Variants in LRRC7 observed in about 807,000 individuals in gnomAD.
The protein encoded by LRRC7 is leucine rich repeat containing 7.
LRRC7 carries 23 observed loss-of-function variants against 175.7 expected under a neutral mutation model. The observed-to-expected ratio is 0.13, with a 90% CI of 0.09 to 0.19. The LOEUF (loss-of-function observed/expected upper bound fraction) is 0.19. LRRC7 is among the 10% of genes least tolerant of loss of function. The probability of loss-of-function intolerance (pLI) is 1.00; values close to 1 mark genes in which losing one functional copy is unlikely to be tolerated. For synonymous variants in LRRC7, 685 were observed against 680.9 expected, an observed-to-expected ratio of 1.01 and a Z score of -0.09; for missense variants, 1,354 against 1,904.7, an observed-to-expected ratio of 0.71 and a Z score of 5.38.
At chr1:70,096,984 ATCC>A (rs1189436415) in intron 25 of LRRC7, among the ~76,000 whole-genome samples, 1 of 152,200 alleles carries the variant, frequency 6.6e-6, no homozygotes, top group Non-Finnish European at 1.5e-5. Flanking sequence ...TGGCATAATT[ATCC>A]TCCTTTAAAT....
chr1:69,878,917 A>G (rs961475546), intron 7 of LRRC7, among the ~76,000 whole-genome samples: 1 of 148,516 alleles, frequency 6.7e-6, no homozygotes, highest in African/African-American at 2.4e-5. Context: ...ATATATTTAT[A>G]TATATGGTGT....
At chr1:69,967,555 C>T (rs1226616820) in intron 8 of LRRC7, among the ~76,000 whole-genome samples, 1 of 152,156 alleles carries the variant, frequency 6.6e-6, no homozygotes, top group Non-Finnish European at 1.5e-5. Context: ...GTCCATTTCA[C>T]GCCCCCTGCC....
At chr1:69,974,803 T>C (rs1204233738) in intron 8 of LRRC7, among the ~76,000 whole-genome samples, 3 of 152,200 alleles carry the variant, frequency 2.0e-5, no homozygotes, top group Non-Finnish European at 4.4e-5. Flanking sequence ...AAATATCTTT[T>C]TTTAGAAATC....
At position 69,851,344 on chromosome 1, in the gene LRRC7, G is replaced by A. The variant is rs535063741; in HGVS notation, c.647+13061G>A. ...AGTGCAGATGTCAGTAACTGGACAG[G>A]CACATTGCATCATGAAAAGGACTTT... On this transcript the variant is annotated intron_variant, in intron 7 of 26. Transcript: ENST00000651989. Among the ~76,000 whole-genome samples the A allele has an allele frequency of 9.9e-5, 15 of 152,210 alleles. No homozygotes were observed. The South Asian group carries it at 3.1e-3, about 32-fold the overall frequency.
intron 10 of LRRC7, among the ~76,000 whole-genome samples, chr1:69,992,457 GA>G (rs1364957407): frequency 1.3e-5 from 2 of 152,094 alleles, no homozygotes; most frequent in Non-Finnish European, 2.9e-5. Flanking sequence ...TTACTCTAGA[GA>G]AAAGAGTCTA....
At chr1:70,002,570 A>G (rs1169261208) in intron 11 of LRRC7, among the ~76,000 whole-genome samples, 1 of 152,074 alleles carries the variant, frequency 6.6e-6, no homozygotes, top group Non-Finnish European at 1.5e-5. Context: ...TGTCTTGAAC[A>G]TTTCTCATTT....
At chr1:69,982,973 T>G (rs1011487081) in intron 9 of LRRC7, among the ~76,000 whole-genome samples, 2 of 152,280 alleles carry the variant, frequency 1.3e-5, no homozygotes, top group East Asian at 3.9e-4. Context: ...TAAATTACGC[T>G]GAAGATAGCA....
At chr1:69,759,996 T>G (rs1156795952) in intron 2 of LRRC7, among the ~76,000 whole-genome samples, 195 bp from the exon 3 acceptor site, 1 of 152,024 alleles carries the variant, frequency 6.6e-6, no homozygotes, top group African/African-American at 2.4e-5. Context: ...ATTTGCTAGA[T>G]GGGAATAAAA....
intron 6 of LRRC7, among the ~76,000 whole-genome samples, chr1:69,837,411 A>G (rs951094371): frequency 5.3e-5 from 8 of 151,894 alleles, no homozygotes; most frequent in African/African-American, 1.9e-4. Flanking sequence ...AATGTTCCAA[A>G]CCATATAAAT....
intron 15 of LRRC7, among the ~76,000 whole-genome samples, chr1:70,020,543 G>A (rs1030359978): frequency 3.9e-5 from 6 of 151,974 alleles, no homozygotes; most frequent in African/African-American, 1.4e-4. Flanking sequence ...TTACAAATAA[G>A]GATTCTATTT....
chr1:69,791,852 G>A (rs1675157476), intron 3 of LRRC7, among the ~76,000 whole-genome samples, 191 bp from the exon 4 acceptor site: 1 of 151,886 alleles, frequency 6.6e-6, no homozygotes, highest in Non-Finnish European at 1.5e-5. Flanking sequence ...AAAAATAGAG[G>A]CACTAACATG....
intron 4 of LRRC7, among the ~76,000 whole-genome samples, chr1:69,824,394 G>A (rs1163682304): frequency 6.6e-6 from 1 of 152,002 alleles, no homozygotes; most frequent in African/African-American, 2.4e-5. Context: ...AGGTGTTTCG[G>A]CCTTCCAAAA....
chr1:70,125,515 G>A lies in LRRC7; in HGVS notation c.*3628G>A, dbSNP rs1239640807. On this transcript the variant is annotated 3_prime_UTR_variant, in exon 27 of 27. Coordinates refer to ENST00000651989, the MANE Select transcript of LRRC7 (RefSeq NM_001370785.2). The stretch of plus-strand genomic sequence containing the variant: ...ACTGGTGAGCTAAAGAGAGAGGGCC[G>A]GGCGCGGTGGCTCACGCCTGTAATC... Among the ~76,000 whole-genome samples, 3 of 152,176 alleles carry A rather than the reference G, an allele frequency of 2.0e-5. No individual in the cohort carries two copies. Among genetic ancestry groups the A allele is most frequent in the South Asian group, 2.1e-4 (1 of 4,832 alleles).
rs1015534456 is a variant in LRRC7, at chr1:70,139,794, TACA to T, written c.*17911_*17913del. ...ACAGTCTCCTTAGAGCCTTTGAAAA[TACA>T]ACATGTAGGTCCTTCTCAGATTATG... On this transcript the variant is annotated 3_prime_UTR_variant, in exon 27 of 27. Coordinates refer to ENST00000651989, the MANE Select transcript of LRRC7 (RefSeq NM_001370785.2). 6 of 152,076 alleles carry T rather than the reference TACA, an allele frequency of 3.9e-5. No homozygotes were observed. The highest frequency in any genetic ancestry group is 5.9e-5 in the Non-Finnish European group (4 of 68,000). 9.4% of individuals were successfully genotyped at this position (152,076 alleles called of 1,614,324 possible). A position where few individuals can be genotyped will look rare whatever the true frequency, so the allele number is the denominator to read the frequency against.
intron 1 of LRRC7, among the ~76,000 whole-genome samples, chr1:69,600,115 A>G (rs1646995092): frequency 6.6e-6 from 1 of 152,226 alleles, no homozygotes; most frequent in Admixed American, 6.5e-5. Flanking sequence ...ATTTAGATTT[A>G]TAGAAAAATT....
intron 2 of LRRC7, among the ~76,000 whole-genome samples, chr1:69,680,435 C>A (rs375259597): frequency 1.3e-5 from 2 of 152,024 alleles, no homozygotes; most frequent in African/African-American, 4.8e-5. Flanking sequence ...ATGATATAAC[C>A]GTCACTTGTG....
At chr1:70,005,420 GTATATTCACAATCTTTCTTCCC>G (rs1557979205) in intron 11 of LRRC7, among the ~76,000 whole-genome samples, 3 of 152,104 alleles carry the variant, frequency 2.0e-5, no homozygotes, top group African/African-American at 7.2e-5. Flanking sequence ...TATCTATGTA[GTATATTCACAATCTTTCTTCCC>G]TATTAGCTAG....
intron 9 of LRRC7, among the ~76,000 whole-genome samples, chr1:69,984,960 TCTTCCTCAAACATAGCATG>T (rs1374856298): frequency 6.6e-6 from 1 of 152,180 alleles, no homozygotes; most frequent in African/African-American, 2.4e-5. Flanking sequence ...AATTTCCCAC[TCTTCCTCAAACATAGCATG>T]CTTCGTCACA....
intron 2 of LRRC7, among the ~76,000 whole-genome samples, chr1:69,737,513 C>T (rs1284605883): frequency 6.6e-6 from 1 of 152,048 alleles, no homozygotes; most frequent in Non-Finnish European, 1.5e-5. Context: ...AAAAAATGGA[C>T]TAATACACCC....
Sources: gnomAD v4.1 joint callset for allele counts (sites outside exome capture counted in the v4.1 genomes callset) on GRCh38, gnomAD v4.1.1 for gene constraint, MANE v1.5 for transcripts, NCBI Gene and HGNC (gene_info 2026-07-23, HGNC 2026-07-21) for gene names.